The following NKAIN3 variants were observed in gnomAD, a reference collection of about 807,000 sequenced individuals.
NKAIN3 encodes the protein sodium/potassium-transporting ATPase subunit beta-1-interacting protein 3.
A neutral mutation model predicts 30.2 loss-of-function variants in NKAIN3; 25 were observed. The observed-to-expected ratio is 0.83, with a 90% confidence interval of 0.60 to 1.16. The LOEUF (loss-of-function observed/expected upper bound fraction) is 1.16. NKAIN3 is among the 50% of genes most tolerant of loss of function. The probability of loss-of-function intolerance (pLI) is 0.00; values close to 1 mark genes in which losing one functional copy is unlikely to be tolerated. For missense variants in NKAIN3, 225 were observed against 254.1 expected, an observed-to-expected ratio of 0.89 and a Z score of 0.78; for synonymous variants, 91 against 89.6, an observed-to-expected ratio of 1.02 and a Z score of -0.09.
intron 3 of NKAIN3, among the ~76,000 whole-genome samples, chr8:62,732,729 A>G (rs1179378682): frequency 6.6e-6 from 1 of 151,826 alleles, no homozygotes; most frequent in Non-Finnish European, 1.5e-5. Context: ...CAGTTTTTTT[A>G]TTATTATGTG....
chr8:62,404,155 C>T (rs1394625489), intron 1 of NKAIN3, among the ~76,000 whole-genome samples: 1 of 152,170 alleles, frequency 6.6e-6, no homozygotes, highest in Non-Finnish European at 1.5e-5. Context: ...ATGCCTGTAA[C>T]CTCATTGTAT....
intron 3 of NKAIN3, among the ~76,000 whole-genome samples, chr8:62,729,777 A>G (rs1815409508): frequency 6.6e-6 from 1 of 152,216 alleles, no homozygotes; most frequent in African/African-American, 2.4e-5. Flanking sequence ...CATGGATTGC[A>G]TTCATACAAA....
At chr8:62,806,009 T>C (rs974446483) in intron 4 of NKAIN3, among the ~76,000 whole-genome samples, 5 of 152,062 alleles carry the variant, frequency 3.3e-5, no homozygotes, top group Non-Finnish European at 2.9e-5. Flanking sequence ...AACAGACACT[T>C]CTAAAAAGAA....
intron 3 of NKAIN3, among the ~76,000 whole-genome samples, chr8:62,740,077 AC>A (rs1050378593): frequency 6.6e-6 from 1 of 152,164 alleles, no homozygotes; most frequent in Non-Finnish European, 1.5e-5. Flanking sequence ...AGCTCCAAAC[AC>A]TTAAACCTAT....
At chr8:62,660,211 T>C (rs1008623367) in intron 3 of NKAIN3, among the ~76,000 whole-genome samples, 1 of 152,174 alleles carries the variant, frequency 6.6e-6, no homozygotes, top group Admixed American at 6.5e-5. Flanking sequence ...GTTCCAGCAC[T>C]AACGATGAGT....
intron 4 of NKAIN3, among the ~76,000 whole-genome samples, chr8:62,917,893 C>A (rs1375740507): frequency 6.6e-6 from 1 of 152,182 alleles, no homozygotes; most frequent in Non-Finnish European, 1.5e-5. Context: ...CAAATCATCT[C>A]TTCTGTTTTA....
In NKAIN3 at chr8:62,979,523, T is replaced by C. The variant is rs1824026565; in HGVS notation, c.*14116T>C. On this transcript the variant is annotated 3_prime_UTR_variant, in exon 7 of 7. Transcript: ENST00000623646. ...ATGGCCCATTTCTTTAAACAATAAA[T>C]GGTAAATTATTATTTTGGGGAGTGA... The C allele has an allele frequency of 6.6e-6, 1 of 152,158 alleles. No individual in the cohort carries two copies. Among genetic ancestry groups the C allele is most frequent in the African/African-American group, 2.4e-5 (1 of 41,442 alleles). The allele number at this position is 152,158 out of a possible 1,614,324, so 9.4% of individuals were successfully genotyped here. A position where few individuals can be genotyped will look rare whatever the true frequency, so the allele number is the denominator to read the frequency against.
chr8:62,720,049 G>A (rs1194983316), intron 3 of NKAIN3, among the ~76,000 whole-genome samples: 1 of 151,910 alleles, frequency 6.6e-6, no homozygotes, highest in African/African-American at 2.4e-5. Context: ...GAGCCACTGC[G>A]CCGGGCCGAT....
chr8:62,359,935 G>A (rs1011775631), intron 1 of NKAIN3, among the ~76,000 whole-genome samples: 3 of 152,158 alleles, frequency 2.0e-5, no homozygotes, highest in Admixed American at 6.5e-5. Flanking sequence ...TTACATAAAC[G>A]GTAAAAGAGG....
chr8:62,767,124 T>A (rs1816864171), intron 4 of NKAIN3, among the ~76,000 whole-genome samples: 1 of 152,160 alleles, frequency 6.6e-6, no homozygotes, highest in Non-Finnish European at 1.5e-5. Flanking sequence ...ACACACTTAA[T>A]TCTTTCCCTC....
Position 62,321,333 on chromosome 8 carries a change from C to G in NKAIN3, c.54+72206C>G, listed in dbSNP as rs1314897181. ...CATCTGAAGCCTTCTCTCAACTTGT[C>G]AAAGTCATTCTCCGTCCAGCTTTGT... On this transcript the variant is annotated intron_variant, in intron 1 of 6. Coordinates refer to ENST00000623646, the MANE Select transcript of NKAIN3 (RefSeq NM_001304533.3). Among the ~76,000 whole-genome samples, 15 of 152,204 alleles carry G rather than the reference C, an allele frequency of 9.9e-5. 1 individual carries two copies. Among genetic ancestry groups the G allele is most frequent in the Admixed American group, 9.8e-4 (15 of 15,288 alleles).
chr8:62,670,718 G>A (rs1269465305), intron 3 of NKAIN3, among the ~76,000 whole-genome samples: 1 of 152,100 alleles, frequency 6.6e-6, no homozygotes, highest in African/African-American at 2.4e-5. Flanking sequence ...GTAAGCAGGT[G>A]ACCAAAAGGA....
At chr8:62,286,649 G>A (rs1813388355) in intron 1 of NKAIN3, among the ~76,000 whole-genome samples, 2 of 152,048 alleles carry the variant, frequency 1.3e-5, no homozygotes, top group Non-Finnish European at 2.9e-5. Context: ...TCTGTACCAT[G>A]GCAAGTCACT....
At chr8:62,986,862 A>C (rs1373390405), downstream of NKAIN3, among the ~76,000 whole-genome samples, 1 of 152,184 alleles carries the variant, frequency 6.6e-6, no homozygotes, top group Non-Finnish European at 1.5e-5. Flanking sequence ...CAAATTTCTC[A>C]TCTTGGTATA....
chr8:62,808,641 T>A lies in NKAIN3; in HGVS notation c.471+61512T>A, dbSNP rs1375802005. On this transcript the variant is annotated intron_variant, in intron 4 of 6. Transcript: ENST00000623646. ...CCCCCCAAGCCACAAAACCAGCAAG[T>A]TTTTATTAGTGATTTTCAAAGGGGA... Among the ~76,000 whole-genome samples, 5 of 152,038 alleles carry A rather than the reference T, an allele frequency of 3.3e-5. No individual in the cohort carries two copies. In the South Asian group the frequency reaches 1.0e-3, roughly 32 times the overall value.
rs183466157 is a variant in NKAIN3, at chr8:62,855,588, G to T, written c.472-62865G>T. 3.9e-4 allele frequency: 626 copies of T among 1,591,642 alleles called. 5 individuals carry two copies. In the East Asian group the frequency reaches 8.1e-3, roughly 21 times the overall value. On this transcript the variant is annotated intron_variant, in intron 4 of 6. Coordinates refer to ENST00000623646, the MANE Select transcript of NKAIN3 (RefSeq NM_001304533.3). Reference sequence around the variant, plus strand: ...CTTTTATTCATTGCTTCAACCTTGGGCAATGTCAGGTCCACTGCTTGTTCA... The same window carrying T: ...CTTTTATTCATTGCTTCAACCTTGGTCAATGTCAGGTCCACTGCTTGTTCA...
intron 1 of NKAIN3, among the ~76,000 whole-genome samples, chr8:62,362,527 C>T (rs1487897807): frequency 6.6e-6 from 1 of 152,124 alleles, no homozygotes; most frequent in Non-Finnish European, 1.5e-5. Context: ...ACATTGGAAA[C>T]TGTAAGAGAA....
At chr8:62,662,424 A>G (rs1243390793) in intron 3 of NKAIN3, among the ~76,000 whole-genome samples, 11 of 152,180 alleles carry the variant, frequency 7.2e-5, no homozygotes, top group Admixed American at 5.2e-4. Flanking sequence ...AGAAATCCCA[A>G]CCACCAATAA....
chr8:62,813,306 C>T (rs1818553473), intron 4 of NKAIN3, among the ~76,000 whole-genome samples: 1 of 151,816 alleles, frequency 6.6e-6, no homozygotes, highest in Non-Finnish European at 1.5e-5. Flanking sequence ...TCCTGGCACT[C>T]AGGATTGTTT....
Sources: gnomAD v4.1 joint callset for allele counts (sites outside exome capture counted in the v4.1 genomes callset) on GRCh38, gnomAD v4.1.1 for gene constraint, MANE v1.5 for transcripts, NCBI Gene and HGNC (gene_info 2026-07-23, HGNC 2026-07-21) for gene names.